SUGCT: variants seen among roughly 807,000 people sequenced by gnomAD.
The protein encoded by SUGCT is succinyl-CoA:glutarate CoA-transferase.
Under a neutral mutation model 55.0 loss-of-function variants are expected in SUGCT, and 41 were observed. The ratio of observed to expected loss-of-function variants is 0.74; its 90% CI spans 0.58 to 0.97. The LOEUF is 0.97. Among genes scored for constraint, SUGCT ranks in the 50% least tolerant of loss-of-function variants. The probability of loss-of-function intolerance (pLI) is 0.00; values close to 1 mark genes in which losing one functional copy is unlikely to be tolerated. For synonymous variants in SUGCT, 187 were observed against 200.4 expected (o/e 0.93, Z 0.56); for missense variants, 568 against 547.8 (o/e 1.04, Z -0.37).
chr7:40,801,884 C>T (rs994377901), intron 13 of SUGCT, among the ~76,000 whole-genome samples: 1 of 151,888 alleles, frequency 6.6e-6, no homozygotes. Flanking sequence ...GGATGAGGAT[C>T]TGACCCCATA....
rs1338885686 is a variant in SUGCT at position 40,847,407 on chromosome 7, C to CTTTTTTTTTTTTTTTTTTTTT, written c.1154-12906_1154-12905insTTTTTTTTTTTTTTTTTTTTT. On this transcript the variant is annotated intron_variant, in intron 13 of 13. Coordinates refer to ENST00000335693, the MANE Select transcript of SUGCT (RefSeq NM_001193313.2). ...GATGACATATACATTTCTTTTCTTTCTTTCTTTTTTTTTTTTTTTTTTTTT... is the reference window on the plus strand; with the variant it reads ...GATGACATATACATTTCTTTTCTTTCTTTTTTTTTTTTTTTTTTTTTTTTCTTTTTTTTTTTTTTTTTTTTT... 7.6e-5 allele frequency among the ~76,000 whole-genome samples: 9 copies of CTTTTTTTTTTTTTTTTTTTTT among 117,888 alleles called. No homozygotes were observed. The East Asian group carries it at 1.5e-3, about 19-fold the overall frequency. The allele number at this position is 117,888 out of a possible 152,430, so 77.3% of individuals were successfully genotyped here. A position where few individuals can be genotyped will look rare whatever the true frequency, so the allele number is the denominator to read the frequency against.
intron 9 of SUGCT, among the ~76,000 whole-genome samples, chr7:40,353,946 A>C (rs1797764190): frequency 6.6e-6 from 1 of 152,208 alleles, no homozygotes; most frequent in Admixed American, 6.5e-5. Context: ...TCTGAGAAAG[A>C]ATTTTAAAGA....
rs5883731 is a variant in SUGCT at position 40,439,061 on chromosome 7, G to GGTATGT, written c.817-10224_817-10223insATGTGT. ...GTATATATATATATGGTATATATATGGTGTATATATATATATATATATATA... is the reference window on the plus strand; with the variant it reads ...GTATATATATATATGGTATATATATGGTATGTGTGTATATATATATATATATATATA... On this transcript the variant is annotated intron_variant, in intron 9 of 13. Transcript: ENST00000335693. Among the ~76,000 whole-genome samples, 240 of 51,868 alleles carry GGTATGT rather than the reference G, an allele frequency of 4.6e-3. 23 individuals are homozygous for GGTATGT. The highest frequency in any genetic ancestry group is 7.4e-3 in the South Asian group (7 of 940). The allele number at this position is 51,868 out of a possible 152,430, so 34.0% of individuals were successfully genotyped here.
the SUGCT span, among the ~76,000 whole-genome samples, chr7:40,982,369 A>G: frequency 3.9e-5 from 6 of 152,326 alleles, no homozygotes; most frequent in East Asian, 3.9e-4. Context: ...TGTTGAAACT[A>G]AAAACCCTTA....
chr7:40,355,100 G>A (rs916310603), intron 9 of SUGCT, among the ~76,000 whole-genome samples: 9 of 152,288 alleles, frequency 5.9e-5, no homozygotes, highest in Admixed American at 5.9e-4. Flanking sequence ...GAACTGGGAA[G>A]GACTCTAATC....
At chr7:40,911,567 CA>C in the SUGCT span, among the ~76,000 whole-genome samples, 46,378 of 124,782 alleles carry the variant, frequency 0.37, 7,831 homozygotes, top group Admixed American at 0.48. Context: ...GACCCTGTCT[CA>C]AAAAAAAAAA....
chr7:40,549,978 T>G (rs1795216370), intron 12 of SUGCT, among the ~76,000 whole-genome samples: 1 of 152,236 alleles, frequency 6.6e-6, no homozygotes. Flanking sequence ...TTGGGTTTAT[T>G]TCAGGATGAT....
intron 9 of SUGCT, among the ~76,000 whole-genome samples, chr7:40,397,897 C>G (rs932594661): frequency 6.6e-6 from 1 of 152,128 alleles, no homozygotes. Flanking sequence ...CCTGCACTCA[C>G]TGATGGCTGC....
intron 9 of SUGCT, among the ~76,000 whole-genome samples, chr7:40,434,935 T>C (rs1788092298): frequency 6.6e-6 from 1 of 152,210 alleles, no homozygotes; most frequent in South Asian, 2.1e-4. Context: ...CCTGCTGCTG[T>C]GGGTCAGCAG....
intron 12 of SUGCT, among the ~76,000 whole-genome samples, chr7:40,580,855 A>G (rs1420875031): frequency 2.6e-5 from 4 of 152,214 alleles, no homozygotes; most frequent in Non-Finnish European, 5.9e-5. Context: ...TTTGTAGCCT[A>G]AGAACAGGCT....
chr7:40,650,683 C>T (rs1175813031), intron 12 of SUGCT, among the ~76,000 whole-genome samples: 2 of 152,150 alleles, frequency 1.3e-5, no homozygotes, highest in African/African-American at 4.8e-5. Context: ...CCTCATATTG[C>T]AGAATTTGAT....
downstream of SUGCT, among the ~76,000 whole-genome samples, chr7:40,863,507 A>T (rs944504056): frequency 6.6e-6 from 1 of 152,152 alleles, no homozygotes; most frequent in Non-Finnish European, 1.5e-5. Flanking sequence ...CAGATAATGG[A>T]CCTAAAGAGT....
chr7:40,201,450 T>C (rs1786600530), intron 6 of SUGCT, among the ~76,000 whole-genome samples: 1 of 152,214 alleles, frequency 6.6e-6, no homozygotes. Context: ...TGAAAACTAC[T>C]GGTCTAAATT....
At chr7:40,578,850 C>A (rs890733385) in intron 12 of SUGCT, among the ~76,000 whole-genome samples, 2 of 152,126 alleles carry the variant, frequency 1.3e-5, no homozygotes, top group Admixed American at 1.3e-4. Context: ...CTGATATTTT[C>A]TTTTTCATTT....
the SUGCT span, among the ~76,000 whole-genome samples, chr7:40,985,729 A>G: frequency 1.3e-5 from 2 of 152,344 alleles, no homozygotes; most frequent in East Asian, 1.9e-4. Context: ...GATTATGTTA[A>G]CAGGGAACTG....
chr7:40,462,104 A>T (rs1789835945), intron 11 of SUGCT, among the ~76,000 whole-genome samples: 1 of 152,212 alleles, frequency 6.6e-6, no homozygotes, highest in Non-Finnish European at 1.5e-5. Flanking sequence ...TATCCATGAA[A>T]AATAATACAG....
At chr7:40,573,107 C>A (rs905597393) in intron 12 of SUGCT, among the ~76,000 whole-genome samples, 28 of 152,156 alleles carry the variant, frequency 1.8e-4, no homozygotes, top group Non-Finnish European at 5.9e-5. Flanking sequence ...TTTCTTAATA[C>A]CAGAGCAACT....
At chr7:40,135,696 G>T (rs1787647877) in intron 1 of SUGCT, among the ~76,000 whole-genome samples, 1 of 151,166 alleles carries the variant, frequency 6.6e-6, no homozygotes, top group South Asian at 2.1e-4. Flanking sequence ...TCGCTGTCTC[G>T]CCCAGGCTGG....
At chr7:40,547,409 T>G (rs1795048060) in intron 12 of SUGCT, among the ~76,000 whole-genome samples, 1 of 152,224 alleles carries the variant, frequency 6.6e-6, no homozygotes, top group Non-Finnish European at 1.5e-5. Context: ...CCATCATACC[T>G]TCCTTAAAAA....
Sources: gnomAD v4.1 joint callset for allele counts (sites outside exome capture counted in the v4.1 genomes callset) on GRCh38, gnomAD v4.1.1 for gene constraint, MANE v1.5 for transcripts, NCBI Gene and HGNC (gene_info 2026-07-23, HGNC 2026-07-21) for gene names.